Variants in SHISA9 observed in about 807,000 individuals in gnomAD.
SHISA9 encodes shisa family member 9, also known as protein shisa-9.
A neutral mutation model predicts 38.0 loss-of-function variants in SHISA9; 13 were observed. That is an observed-to-expected ratio of 0.34 (90% CI 0.22 to 0.54). The LOEUF is 0.54. Among genes scored for constraint, SHISA9 ranks in the 20% least tolerant of loss-of-function variants. The probability of loss-of-function intolerance (pLI) is 0.91; values close to 1 mark genes in which losing one functional copy is unlikely to be tolerated. For synonymous variants in SHISA9, 275 were observed against 242.0 expected (o/e 1.14, Z -1.27); for missense variants, 538 against 575.8 (o/e 0.93, Z 0.67).
At chr16:13,543,632 G>A in the SHISA9 span, among the ~76,000 whole-genome samples, 6 of 152,118 alleles carry the variant, frequency 3.9e-5, no homozygotes, top group African/African-American at 1.4e-4. Flanking sequence ...ATGCTCAAGT[G>A]TTCATGCACA....
chr16:12,993,216 G>A (rs183987240), intron 2 of SHISA9, among the ~76,000 whole-genome samples: 3,353 of 110,120 alleles, frequency 0.03, 119 homozygotes, highest in African/African-American at 0.11. Context: ...TTGAAATAAG[G>A]GTTTGATTTT....
the SHISA9 span, among the ~76,000 whole-genome samples, chr16:13,535,072 C>G: frequency 1.3e-5 from 2 of 151,968 alleles, no homozygotes; most frequent in African/African-American, 4.8e-5. Flanking sequence ...TGGTAAAACC[C>G]CCCTCTCTAC....
At chr16:13,542,856 G>A in the SHISA9 span, among the ~76,000 whole-genome samples, 52 of 152,158 alleles carry the variant, frequency 3.4e-4, no homozygotes, top group Non-Finnish European at 2.4e-4. Context: ...AACTGAGAGC[G>A]TTTCTGTCTC....
At chr16:13,168,455 C>A (rs916933540) in intron 2 of SHISA9, among the ~76,000 whole-genome samples, 3 of 152,234 alleles carry the variant, frequency 2.0e-5, no homozygotes, top group Non-Finnish European at 4.4e-5. Flanking sequence ...TCTACCCTTA[C>A]TCCATTGGCC....
intron 1 of SHISA9, among the ~76,000 whole-genome samples, chr16:12,913,292 G>A (rs2071210710): frequency 6.6e-6 from 1 of 152,080 alleles, no homozygotes; most frequent in Non-Finnish European, 1.5e-5. Context: ...CACCTCCTGG[G>A]TTCAAGCAAT....
the SHISA9 span, among the ~76,000 whole-genome samples, chr16:13,479,206 C>A: frequency 6.6e-6 from 1 of 152,192 alleles, no homozygotes; most frequent in Non-Finnish European, 1.5e-5. Context: ...TCTCCAGCTT[C>A]CCTCTTTTAA....
chr16:13,405,594 A>C, the SHISA9 span, among the ~76,000 whole-genome samples: 2 of 152,186 alleles, frequency 1.3e-5, no homozygotes, highest in African/African-American at 4.8e-5. Flanking sequence ...AAGCATAGTA[A>C]CCAAGAGTTA....
At chr16:13,082,547 CTT>C (rs2073663234) in intron 2 of SHISA9, 2 of 151,892 alleles carry the variant, frequency 1.3e-5, no homozygotes, top group Non-Finnish European at 2.9e-5. Context: ...CATTCTCTCT[CTT>C]TCTCTTTCTC....
chr16:13,487,155 A>G, the SHISA9 span, among the ~76,000 whole-genome samples: 93 of 152,208 alleles, frequency 6.1e-4, no homozygotes, highest in African/African-American at 2.2e-3. Flanking sequence ...TCTGAGAGGG[A>G]TTTGTTCCAG....
At chr16:13,029,385 C>T (rs943239578) in intron 2 of SHISA9, among the ~76,000 whole-genome samples, 1 of 152,212 alleles carries the variant, frequency 6.6e-6, no homozygotes. Flanking sequence ...GCAGATGGAT[C>T]ACTTGAACTC....
At chr16:13,074,460 A>G (rs771544020) in intron 2 of SHISA9, among the ~76,000 whole-genome samples, 5 of 152,106 alleles carry the variant, frequency 3.3e-5, no homozygotes, top group African/African-American at 4.8e-5. Flanking sequence ...TAGGCTTTTA[A>G]TGGTGGTTTC....
At chr16:12,977,161 G>C (rs1286795949) in intron 2 of SHISA9, among the ~76,000 whole-genome samples, 1 of 152,190 alleles carries the variant, frequency 6.6e-6, no homozygotes, top group Non-Finnish European at 1.5e-5. Context: ...TTGGAGACGG[G>C]CTGTGTTCCA....
intron 2 of SHISA9, among the ~76,000 whole-genome samples, chr16:13,076,495 C>G (rs780999320): frequency 3.0e-4 from 45 of 152,204 alleles, no homozygotes; most frequent in Non-Finnish European, 6.5e-4. Flanking sequence ...TTCCCCCACC[C>G]TCTGTCTTGC....
intron 2 of SHISA9, among the ~76,000 whole-genome samples, chr16:13,185,818 G>T (rs1490491874): frequency 6.6e-6 from 1 of 152,094 alleles, no homozygotes; most frequent in Non-Finnish European, 1.5e-5. Flanking sequence ...AATTAGAAAG[G>T]GTTTGATTTA....
At chr16:13,502,050 A>G in the SHISA9 span, among the ~76,000 whole-genome samples, 1 of 152,100 alleles carries the variant, frequency 6.6e-6, no homozygotes, top group Non-Finnish European at 1.5e-5. Flanking sequence ...GAACAGATGG[A>G]TGAATGGAAG....
intron 2 of SHISA9, among the ~76,000 whole-genome samples, chr16:13,032,988 C>A (rs2073009948): frequency 6.6e-6 from 1 of 152,214 alleles, no homozygotes; most frequent in African/African-American, 2.4e-5. Flanking sequence ...TTTGTCAGAC[C>A]TGCCTTCTGC....
At chr16:12,970,326 C>CAT (rs61455008) in intron 2 of SHISA9, among the ~76,000 whole-genome samples, 1,160 of 73,566 alleles carry the variant, frequency 0.016, 38 homozygotes, top group Admixed American at 0.028. Flanking sequence ...GGTATATATA[C>CAT]ATATATATAT....
chr16:13,294,029 A>G, the SHISA9 span, among the ~76,000 whole-genome samples: 1 of 152,214 alleles, frequency 6.6e-6, no homozygotes, highest in Non-Finnish European at 1.5e-5. Flanking sequence ...CCATCATGTA[A>G]GTAAGCAAGC....
chr16:13,442,979 T>C, the SHISA9 span, among the ~76,000 whole-genome samples: 1 of 152,084 alleles, frequency 6.6e-6, no homozygotes, highest in African/African-American at 2.4e-5. Context: ...AGCTGACTGT[T>C]TCCTACTCTC....
Sources: gnomAD v4.1 joint callset for allele counts (sites outside exome capture counted in the v4.1 genomes callset) on GRCh38, gnomAD v4.1.1 for gene constraint, MANE v1.5 for transcripts, NCBI Gene and HGNC (gene_info 2026-07-23, HGNC 2026-07-21) for gene names.